The following MPND variants were observed in gnomAD, a reference collection of about 807,000 sequenced individuals.
MPND encodes MPN domain-containing protein.
A neutral mutation model predicts 59.2 loss-of-function variants in MPND; 56 were observed. The ratio of observed to expected loss-of-function variants is 0.95; its 90% CI spans 0.76 to 1.18. The LOEUF is 1.18. Ranked by LOEUF, MPND falls within the 50% of genes most tolerant of loss-of-function variation. MPND has a pLI of 0.00. For synonymous variants in MPND, 323 were observed against 291.9 expected (o/e 1.11, Z -1.09); for missense variants, 671 against 676.0 (o/e 0.99, Z 0.08).
At chr19:4,347,125 G>C (rs1290768485) in intron 3 of MPND, 1 of 152,004 alleles carries the variant, frequency 6.6e-6, no homozygotes, top group African/African-American at 2.4e-5. Flanking sequence ...AGCAGATGCT[G>C]TAGTCTTGTG....
intron 1 of MPND, 29 bp downstream of exon 1, chr19:4,343,629 C>T: frequency 1.3e-5 from 16 of 1,188,440 alleles, no homozygotes; most frequent in African/African-American, 1.6e-5. Context: ...GGCGGAGGCG[C>T]GGGGCGCGGG....
chr19:4,350,653 T>G (rs919184254), intron 3 of MPND, among the ~76,000 whole-genome samples: 17 of 151,864 alleles, frequency 1.1e-4, no homozygotes, highest in Admixed American at 2.0e-4. Context: ...CTGCCAAAAT[T>G]GGGGGATGTG....
In MPND at chr19:4,357,440, T is replaced by C; in HGVS notation, c.1165+19T>C. 2 of 1,608,868 alleles carry C rather than the reference T, an allele frequency of 1.2e-6. No individual in the cohort carries two copies. The highest frequency in any genetic ancestry group is 1.7e-6 in the Non-Finnish European group (2 of 1,177,602). On this transcript the variant is annotated intron_variant, in intron 9 of 12. Coordinates refer to ENST00000599840, the MANE Select transcript of MPND (RefSeq NM_001300862.2). ...CTCTGCTGTACGCGGGATGGGGCTG[T>C]GGGGGGAGCAAGGAGGGGGGATGCT...
intron 9 of MPND, 46 bp downstream of exon 9, chr19:4,357,467 G>A: frequency 1.9e-6 from 3 of 1,609,498 alleles, no homozygotes; most frequent in Non-Finnish European, 2.5e-6. Context: ...GGGGATGCTG[G>A]GCCAGCCGAG....
intron 11 of MPND, 110 bp downstream of exon 11, chr19:4,358,282 C>T: frequency 1.0e-6 from 1 of 959,118 alleles, no homozygotes; most frequent in South Asian, 1.5e-5. Flanking sequence ...CTGGTGGCGC[C>T]TTGGGGGCCT....
At chr19:4,354,262 T>C in intron 5 of MPND, 62 bp from the exon 6 acceptor site, 2 of 1,503,686 alleles carry the variant, frequency 1.3e-6, no homozygotes, top group East Asian at 2.5e-5. Context: ...GGGGAGTCAG[T>C]GTGGGGGCGA....
intron 10 of MPND, 84 bp downstream of exon 10, chr19:4,357,669 A>C (rs1972473497): frequency 1.5e-6 from 2 of 1,365,876 alleles, no homozygotes; most frequent in East Asian, 4.9e-5. Flanking sequence ...CCCTGGTTCC[A>C]GGCTCCACTG....
intron 8 of MPND, chr19:4,356,633 ATTCT>A (rs1214410399): frequency 1.5e-5 from 2 of 136,700 alleles, no homozygotes; most frequent in African/African-American, 5.5e-5. Context: ...GCCAGTTGCT[ATTCT>A]TTTTTTTTTT....
At chr19:4,351,785 C>T (rs1187370396) in intron 3 of MPND, among the ~76,000 whole-genome samples, 1 of 144,060 alleles carries the variant, frequency 6.9e-6, no homozygotes, top group Non-Finnish European at 1.5e-5. Flanking sequence ...TCACTTGAAC[C>T]CGGGAGGTGG....
rs997164980 is a variant in MPND, at chr19:4,346,105, C to G, written c.531+124C>G. 5 of 795,290 alleles carry G rather than the reference C, an allele frequency of 6.3e-6. No homozygotes were observed. The African/African-American group carries it at 8.6e-5, about 14-fold the overall frequency. 49.3% of individuals were successfully genotyped at this position (795,290 alleles called of 1,614,324 possible). ...TATACAAACACGGATGGAGCCCTTACCACGTGACATGCCTCCTCCATCCCT... is the reference window on the plus strand; with the variant it reads ...TATACAAACACGGATGGAGCCCTTAGCACGTGACATGCCTCCTCCATCCCT... On this transcript the variant is annotated intron_variant, in intron 3 of 12. Coordinates refer to ENST00000599840, the MANE Select transcript of MPND (RefSeq NM_001300862.2).
intron 10 of MPND, 128 bp from the exon 11 acceptor site, chr19:4,357,955 C>T (rs1345994616): frequency 1.1e-5 from 8 of 730,552 alleles, no homozygotes; most frequent in East Asian, 8.2e-5. Context: ...CACCAGGTGC[C>T]GATCCCGGTG....
At position 4,345,823 on chromosome 19, in the gene MPND, A is replaced by G; in HGVS notation, c.373A>G (p.Ser125Gly). The G allele has an allele frequency of 6.2e-7, 1 of 1,614,044 alleles. No homozygotes were observed. Among genetic ancestry groups the G allele is most frequent in the East Asian group, 2.2e-5 (1 of 44,888 alleles). Residue 125 changes from serine (S) to glycine (G), a missense_variant, in exon 3 of 13, where the codon AGC becomes GGC. Coordinates refer to ENST00000599840, the MANE Select transcript of MPND (RefSeq NM_001300862.2). Reference sequence around the variant, plus strand: ...GACCGGGCAGACCTTCAACTCACCCAGCGCCTGGGCCACCCACTGCAAGAA... The same window carrying G: ...GACCGGGCAGACCTTCAACTCACCCGGCGCCTGGGCCACCCACTGCAAGAA... Reference protein sequence around the residue: ...QETGQTFNSPSAWATHCKKLV... With the variant: ...QETGQTFNSPGAWATHCKKLV...
chr19:4,350,960 T>G (rs1972303558), intron 3 of MPND, among the ~76,000 whole-genome samples: 1 of 150,244 alleles, frequency 6.7e-6, no homozygotes, highest in African/African-American at 2.5e-5. Context: ...GATCCGGGGG[T>G]TGTGTGAGGA....
chr19:4,358,747 A>G (rs530966725), intron 11 of MPND, among the ~76,000 whole-genome samples: 6 of 152,218 alleles, frequency 3.9e-5, no homozygotes, highest in Non-Finnish European at 7.3e-5. Flanking sequence ...AGATCACGCC[A>G]CTGCGCTCCA....
At chr19:4,349,687 T>TTTTGCATG in intron 3 of MPND, among the ~76,000 whole-genome samples, 1 of 151,198 alleles carries the variant, frequency 6.6e-6, no homozygotes, top group Non-Finnish European at 1.5e-5. Flanking sequence ...ATTTTTGTAT[T>TTTTGCATG]TTTAGTAGAG....
Position 4,352,932 on chromosome 19 carries a change from G to A in MPND, c.567G>A (p.Leu189=). 1.4e-6 allele frequency: 2 copies of A among 1,403,552 alleles called. No individual in the cohort carries two copies. Among genetic ancestry groups the A allele is most frequent in the Non-Finnish European group, 1.9e-6 (2 of 1,069,380 alleles). The allele number at this position is 1,403,552 out of a possible 1,614,324, so 86.9% of individuals were successfully genotyped here. The change falls in exon 4 of 13, where the codon CTG becomes CTA. Residue 189 remains leucine, a synonymous_variant. Transcript: ENST00000599840. The stretch of plus-strand genomic sequence containing the variant: ...GTGAAGGGGAGGAGGAGGAGTTGCT[G>A]ATGGAAGAGGAGGAGGAGGACGTTC... The part of the protein sequence containing the change: ...PASEGEEEEL[L]MEEEEEDVLA...
At chr19:4,355,875 G>C (rs905223235) in intron 8 of MPND, among the ~76,000 whole-genome samples, 1 of 138,694 alleles carries the variant, frequency 7.2e-6, no homozygotes, top group South Asian at 2.3e-4. Context: ...TTTTTTTCTT[G>C]AGACATTCTC....
Position 4,343,831 on chromosome 19 carries a change from G to A in MPND, c.131G>A (p.Gly44Asp), listed in dbSNP as rs1333590444. 3.3e-6 allele frequency: 4 copies of A among 1,208,142 alleles called. No homozygotes were observed. The African/African-American group carries it at 6.4e-5, about 19-fold the overall frequency. 74.8% of individuals were successfully genotyped at this position (1,208,142 alleles called of 1,614,324 possible). A position where few individuals can be genotyped will look rare whatever the true frequency, so the allele number is the denominator to read the frequency against. Residue 44 changes from glycine to aspartate, a missense_variant, in exon 2 of 13, where the codon GGC becomes GAC. Transcript: ENST00000599840. ...NAGAGGGRSGGGGSSVSGGGG... is the reference protein window; with the variant it reads ...NAGAGGGRSGDGGSSVSGGGG... ...GGAGCGGGCGGTGGACGCAGTGGCG[G>A]CGGCGGCAGTAGCGTCAGCGGAGGA...
At chr19:4,343,677 C>T in intron 1 of MPND, 31 bp from the exon 2 acceptor site, 1 of 975,430 alleles carries the variant, frequency 1.0e-6, no homozygotes, top group Non-Finnish European at 1.3e-6. Context: ...GTGGGGCGAG[C>T]GGCCTCCCTG....
Sources: gnomAD v4.1 joint callset for allele counts (sites outside exome capture counted in the v4.1 genomes callset) on GRCh38, gnomAD v4.1.1 for gene constraint, MANE v1.5 for transcripts, NCBI Gene and HGNC (gene_info 2026-07-23, HGNC 2026-07-21) for gene names.